Variants in TIAM1 observed in about 807,000 individuals in gnomAD.
TIAM1 encodes TIAM Rac1 associated GEF 1, also known as rho guanine nucleotide exchange factor TIAM1.
In TIAM1, 65 loss-of-function variants were observed where a neutral mutation model predicts 163.5. The observed-to-expected ratio is 0.40, with a 90% CI of 0.33 to 0.49. The LOEUF is 0.49. TIAM1 is among the 20% of genes least tolerant of loss of function. The pLI, the probability that TIAM1 is intolerant of heterozygous loss-of-function variation, is 0.77. For synonymous variants in TIAM1, 833 were observed against 810.1 expected (o/e 1.03, Z -0.48); for missense variants, 1,789 against 2,044.7 (o/e 0.87, Z 2.41).
chr21:31,317,651 G>A (rs1335783225), intron 2 of TIAM1, among the ~76,000 whole-genome samples: 3 of 152,056 alleles, frequency 2.0e-5, no homozygotes, highest in East Asian at 1.9e-4. Flanking sequence ...ATGGCAGCAC[G>A]CACTTATAGT....
intron 2 of TIAM1, among the ~76,000 whole-genome samples, chr21:31,405,356 C>T (rs1337205557): frequency 6.6e-6 from 1 of 152,178 alleles, no homozygotes; most frequent in African/African-American, 2.4e-5. Context: ...ATTTCCAGCA[C>T]AGTTCACTCT....
intron 2 of TIAM1, among the ~76,000 whole-genome samples, chr21:31,310,537 AC>A (rs1412581306): frequency 6.6e-6 from 1 of 152,184 alleles, no homozygotes; most frequent in African/African-American, 2.4e-5. Flanking sequence ...TCACAAAGCT[AC>A]CAAAACCACT....
chr21:31,514,523 C>CAA lies in TIAM1; in HGVS notation c.-422+44402_-422+44403dup, dbSNP rs1043056393. On this transcript the variant is annotated intron_variant, in intron 1 of 28. Transcript: ENST00000286827. The stretch of plus-strand genomic sequence containing the variant: ...TAAAACCCCATCTCTACTAAAAATA[C>CAA]AAAAAAAAAAAAAAAATAGCCAGGT... Among the ~76,000 whole-genome samples, 85 of 87,918 alleles carry CAA rather than the reference C, an allele frequency of 9.7e-4. 2 individuals are homozygous for CAA. The highest frequency in any genetic ancestry group is 2.7e-3 in the African/African-American group (67 of 24,656). The allele number at this position is 87,918 out of a possible 152,430, so 57.7% of individuals were successfully genotyped here.
intron 15 of TIAM1, among the ~76,000 whole-genome samples, chr21:31,178,626 C>T (rs1217376092): frequency 6.6e-6 from 1 of 151,246 alleles, no homozygotes; most frequent in Non-Finnish European, 1.5e-5. Flanking sequence ...CTGAAATTTA[C>T]TAATTTTGAA....
chr21:31,412,289 A>C (rs1444972789), intron 2 of TIAM1, among the ~76,000 whole-genome samples: 1 of 152,174 alleles, frequency 6.6e-6, no homozygotes. Context: ...GGCGGGGTGC[A>C]AAGAGGGTAG....
chr21:31,521,778 A>AC lies in TIAM1; in HGVS notation c.-422+37148_-422+37149insG, dbSNP rs56988265. Among the ~76,000 whole-genome samples the AC allele has an allele frequency of 1.2e-3, 182 of 151,186 alleles. 1 individual carries two copies. Among genetic ancestry groups the AC allele is most frequent in the African/African-American group, 4.3e-3 (175 of 41,152 alleles). Reference sequence around the variant, plus strand: ...CACACACACACACACACACACACACAAAGTAAAGGACAGTAAGAACTCTAA... The same window carrying AC: ...CACACACACACACACACACACACACACAAGTAAAGGACAGTAAGAACTCTAA... On this transcript the variant is annotated intron_variant, in intron 1 of 28. Transcript: ENST00000286827.
At chr21:31,307,576 T>C (rs2074763347) in intron 2 of TIAM1, among the ~76,000 whole-genome samples, 1 of 152,166 alleles carries the variant, frequency 6.6e-6, no homozygotes, top group Non-Finnish European at 1.5e-5. Context: ...CACTGGGCCT[T>C]GGTTTTGCTA....
rs111438703 is a variant in TIAM1, at chr21:31,185,056, T to C, written c.2662+1945A>G. 3.3e-3 allele frequency among the ~76,000 whole-genome samples: 502 copies of C among 152,286 alleles called. 2 individuals carry two copies. Among genetic ancestry groups the C allele is most frequent in the African/African-American group, 0.011 (461 of 41,560 alleles). On this transcript the variant is annotated intron_variant, in intron 14 of 27. Coordinates refer to ENST00000541036, the MANE Select transcript of TIAM1 (RefSeq NM_001353694.2). ...CACTCAATTTCCCTTCTCTGCTCCA[T>C]TCAGCAGTAGTTAACACAACAGATG...
chr21:31,246,610 A>G (rs1001960312), intron 5 of TIAM1, among the ~76,000 whole-genome samples: 2 of 152,212 alleles, frequency 1.3e-5, no homozygotes, highest in African/African-American at 4.8e-5. Context: ...ACAACCCTTG[A>G]AAGTTCAATC....
chr21:31,153,170 TTTTA>T (rs1325425823), intron 17 of TIAM1, 36 bp from the exon 18 acceptor site: 1 of 1,502,682 alleles, frequency 6.7e-7, no homozygotes, highest in Non-Finnish European at 9.2e-7. Flanking sequence ...AGCTTATGTG[TTTTA>T]TTTTTTATAT....
chr21:31,254,269 G>A (rs1185055059), intron 4 of TIAM1, among the ~76,000 whole-genome samples: 13 of 152,326 alleles, frequency 8.5e-5, no homozygotes, highest in South Asian at 2.1e-4. Flanking sequence ...GACAGCCTGC[G>A]GCTTAGAAAA....
In TIAM1 at chr21:31,191,759, G is replaced by C. The variant is rs540507213; in HGVS notation, c.2575+3465C>G. ...CTCCTCAGGGGGTAAAAGTAAATGG[G>C]TTCTGTGAGTAATTCAGTGACTTTA... On this transcript the variant is annotated intron_variant, in intron 13 of 27. Transcript: ENST00000541036. 1.7e-4 allele frequency among the ~76,000 whole-genome samples: 26 copies of C among 152,294 alleles called. 1 individual carries two copies. In the South Asian group the frequency reaches 4.8e-3, roughly 28 times the overall value.
At chr21:31,437,354 T>C (rs2044244461) in intron 2 of TIAM1, among the ~76,000 whole-genome samples, 2 of 152,028 alleles carry the variant, frequency 1.3e-5, no homozygotes, top group African/African-American at 4.8e-5. Context: ...GTACAAAAAT[T>C]AGCTGGACGT....
intron 23 of TIAM1, among the ~76,000 whole-genome samples, chr21:31,135,041 G>A (rs952595888): frequency 7.2e-5 from 11 of 151,968 alleles, no homozygotes; most frequent in East Asian, 5.8e-4. Context: ...AGCAACCTCC[G>A]TTCCCAGCAA....
rs144301209 is a variant in TIAM1 at position 31,124,902 on chromosome 21, C to A, written c.4134-208G>T. 5.3e-4 allele frequency among the ~76,000 whole-genome samples: 81 copies of A among 152,168 alleles called. No individual in the cohort carries two copies. In the Middle Eastern group the frequency reaches 0.017, roughly 32 times the overall value. Reference sequence around the variant, plus strand: ...TCCCTTCATGCTTTGTGATCTATCTCCTGGCGCTGATGTGGGGCAGAGTAG... The same window carrying A: ...TCCCTTCATGCTTTGTGATCTATCTACTGGCGCTGATGTGGGGCAGAGTAG... On this transcript the variant is annotated intron_variant, in intron 26 of 27. Transcript: ENST00000541036.
At chr21:31,489,502 G>A (rs1352399160) in intron 1 of TIAM1, among the ~76,000 whole-genome samples, 2 of 126,652 alleles carry the variant, frequency 1.6e-5, no homozygotes, top group Non-Finnish European at 3.3e-5. Flanking sequence ...AGAGAGGGAG[G>A]GAGACAGGGA....
chr21:31,413,502 C>T (rs1383931790), intron 2 of TIAM1, among the ~76,000 whole-genome samples: 5 of 151,820 alleles, frequency 3.3e-5, no homozygotes, highest in Non-Finnish European at 5.9e-5. Context: ...GATTTCCTGA[C>T]GTCGTGATCC....
At chr21:31,154,496 C>T (rs1020573893) in intron 16 of TIAM1, 70 bp from the exon 17 acceptor site, 17 of 1,480,952 alleles carry the variant, frequency 1.1e-5, no homozygotes, top group South Asian at 6.4e-5. Flanking sequence ...ACACCTGGAC[C>T]GCCTAGAGGT....
At chr21:31,184,783 A>G (rs2085200294) in intron 14 of TIAM1, among the ~76,000 whole-genome samples, 1 of 152,162 alleles carries the variant, frequency 6.6e-6, no homozygotes. Context: ...CAGGCTGCCT[A>G]TGGCCTAGAA....
Sources: allele counts gnomAD v4.1 joint callset (sites outside exome capture counted in the v4.1 genomes callset), GRCh38; gene constraint gnomAD v4.1.1; transcripts MANE v1.5; gene names NCBI Gene and HGNC (gene_info 2026-07-23, HGNC 2026-07-21).